The following DDX50 variants were observed in gnomAD, a reference collection of about 807,000 sequenced individuals.
DDX50 encodes the protein DExD-box helicase 50.
Under a neutral mutation model 94.8 loss-of-function variants are expected in DDX50, and 56 were observed. The observed-to-expected ratio is 0.59, with a 90% confidence interval of 0.48 to 0.74. The LOEUF (loss-of-function observed/expected upper bound fraction) is 0.74. Ranked by LOEUF, DDX50 falls within the 30% of genes least tolerant of loss-of-function variation. The pLI is 0.00. For synonymous variants in DDX50, 264 were observed against 295.4 expected (o/e 0.89, Z 1.09); for missense variants, 713 against 881.2 (o/e 0.81, Z 2.42).
chr10:68,926,774 TACACACACACACACACAC>T (rs67773821), intron 8 of DDX50, among the ~76,000 whole-genome samples: 18 of 140,330 alleles, frequency 1.3e-4, no homozygotes, highest in Non-Finnish European at 2.8e-4. Context: ...CACACAGAGA[TACACACACACACACACAC>T]ACACACACAC....
chr10:68,934,444 A>G lies in DDX50; in HGVS notation c.1401+84A>G, dbSNP rs1842354442. 1.3e-6 allele frequency: 2 copies of G among 1,559,092 alleles called. No homozygotes were observed. The highest frequency in any genetic ancestry group is 1.7e-6 in the Non-Finnish European group (2 of 1,150,584). The stretch of plus-strand genomic sequence containing the variant: ...TTTACAACATATTGCTTGGGATGTG[A>G]AAAATATGTCATCTCTTCTTGCTCT... On this transcript the variant is annotated intron_variant, in intron 9 of 14. Coordinates refer to ENST00000373585, the MANE Select transcript of DDX50 (RefSeq NM_024045.2). This position sits in a 1 kb window ranked among gnomAD's most constrained non-coding sequence, Gnocchi z 4.0.
At chr10:68,925,095 GTTT>G (rs1239190321) in intron 8 of DDX50, among the ~76,000 whole-genome samples, 1 of 28,560 alleles carries the variant, frequency 3.5e-5, no homozygotes, top group Non-Finnish European at 6.9e-5. Context: ...CCTGCTCATG[GTTT>G]TTTTTTTTTT....
chr10:68,917,781 T>C (rs1841838561), intron 7 of DDX50, among the ~76,000 whole-genome samples: 1 of 152,096 alleles, frequency 6.6e-6, no homozygotes, highest in Non-Finnish European at 1.5e-5. Context: ...TTTTGTGTTT[T>C]TAGTAGAGAT....
chr10:68,936,272 G>C (rs1475311694), intron 11 of DDX50, among the ~76,000 whole-genome samples, 193 bp downstream of exon 11: 1 of 151,044 alleles, frequency 6.6e-6, no homozygotes, highest in Non-Finnish European at 1.5e-5. Context: ...CAGCTCATGA[G>C]GTCAGGAGAT....
At chr10:68,932,241 G>T (rs546946175) in intron 8 of DDX50, among the ~76,000 whole-genome samples, 1 of 152,302 alleles carries the variant, frequency 6.6e-6, no homozygotes, top group East Asian at 1.9e-4. Context: ...CTGAAATACT[G>T]TTGGGGTTAA....
chr10:68,919,666 A>G (rs1276298013), intron 7 of DDX50, among the ~76,000 whole-genome samples, 166 bp from the exon 8 acceptor site: 2 of 152,116 alleles, frequency 1.3e-5, no homozygotes, highest in African/African-American at 2.4e-5. Flanking sequence ...TCGTCAGTTT[A>G]TTGATGACCA....
intron 1 of DDX50, 136 bp downstream of exon 1, chr10:68,901,607 C>T (rs1006928551): frequency 3.2e-6 from 3 of 936,608 alleles, no homozygotes; most frequent in Non-Finnish European, 4.7e-6. Context: ...GCCCTCGGCC[C>T]TCTGGGGTCG....
At chr10:68,907,434 G>A (rs1841492569) in intron 2 of DDX50, among the ~76,000 whole-genome samples, 1 of 150,450 alleles carries the variant, frequency 6.6e-6, no homozygotes. Context: ...TCCTGAGTCA[G>A]CCTCTCAAGT....
At chr10:68,910,987 T>G (rs1841609419) in intron 3 of DDX50, 81 bp from the exon 4 acceptor site, 1 of 1,131,592 alleles carries the variant, frequency 8.8e-7, no homozygotes, top group African/African-American at 1.6e-5. Flanking sequence ...ATAGAAGAAT[T>G]ATGATTGTCA....
intron 13 of DDX50, among the ~76,000 whole-genome samples, chr10:68,942,611 C>T (rs1842578567): frequency 1.3e-5 from 2 of 148,312 alleles, no homozygotes; most frequent in Non-Finnish European, 1.5e-5. Flanking sequence ...ACAAACATTG[C>T]AGCTTTTTTC....
At chr10:68,924,869 C>T (rs1842039613) in intron 8 of DDX50, among the ~76,000 whole-genome samples, 1 of 152,056 alleles carries the variant, frequency 6.6e-6, no homozygotes, top group African/African-American at 2.4e-5. Context: ...CAGCTTGCTC[C>T]AATCCCTGCA....
intron 1 of DDX50, among the ~76,000 whole-genome samples, chr10:68,903,664 G>A (rs1320458508): frequency 6.6e-6 from 1 of 152,090 alleles, no homozygotes. Flanking sequence ...AGCTGGGCAT[G>A]GTGGCACATG....
intron 8 of DDX50, among the ~76,000 whole-genome samples, chr10:68,921,738 A>G (rs1477054146): frequency 6.6e-6 from 1 of 152,184 alleles, no homozygotes; most frequent in East Asian, 1.9e-4. Flanking sequence ...TTATACCTCA[A>G]AATTATTTTG....
intron 8 of DDX50, among the ~76,000 whole-genome samples, chr10:68,931,943 G>A (rs958278730): frequency 1.3e-5 from 2 of 152,054 alleles, no homozygotes; most frequent in Non-Finnish European, 2.9e-5. Context: ...GAACTCCCTA[G>A]CCTTCTGCTC....
Position 68,910,365 on chromosome 10 carries a change from C to T in DDX50, c.443C>T (p.Thr148Ile). Residue 148 changes from threonine (T) to isoleucine (I), a missense_variant, in exon 3 of 15, where the codon ACT (threonine) becomes ATT (isoleucine). Thr to Ile is a moderately conservative substitution (Grantham distance 89). Coordinates refer to ENST00000373585, the MANE Select transcript of DDX50 (RefSeq NM_024045.2). Reference sequence around the variant, plus strand: ...TCCAATTTTCCTATTTCTGAAGAGACTATAAAGCTTCTGAAAGGTATGCAG... The same window carrying T: ...TCCAATTTTCCTATTTCTGAAGAGATTATAAAGCTTCTGAAAGGTATGCAG... ...AFSNFPISEE[T>I]IKLLKGRGVT... The T allele has an allele frequency of 1.9e-6, 3 of 1,605,432 alleles. No homozygotes were observed. The highest frequency in any genetic ancestry group is 2.5e-6 in the Non-Finnish European group (3 of 1,177,614).
Position 68,936,024 on chromosome 10 carries a change from G to A in DDX50, c.1540G>A (p.Val514Ile), listed in dbSNP as rs780926639. The change falls in exon 11 of 15, where the codon GTA (valine) becomes ATA (isoleucine). Residue 514 changes from valine to isoleucine, a missense_variant. Physicochemically the swap from Val to Ile is conservative, Grantham distance 29 (BLOSUM62 3). Around this residue, in one of 2 missense-constraint regions of DDX50, gnomAD observed 428 missense variants for 602.3 expected, o/e 0.71. Transcript: ENST00000373585. ...TTTTCAGGGAATTACTTTTAAACGT[G>A]TAGGTGTTCCTTCTACAATGGATTT... ...EQKAGITFKR[V>I]GVPSTMDLVK... 3 of 1,609,134 alleles carry A rather than the reference G, an allele frequency of 1.9e-6. No homozygotes were observed. The highest frequency in any genetic ancestry group is 2.2e-5 in the East Asian group (1 of 44,652).
At position 68,901,381 on chromosome 10, in the gene DDX50, A is replaced by T. The variant is rs768245849; in HGVS notation, c.-4A>T. ...TGCCCGGAGGGAGGCGGCGGTGGCC[A>T]GTAATGCCTGGGAAACTCCTCTGGG... On this transcript the variant is annotated 5_prime_UTR_variant, in exon 1 of 15. Transcript: ENST00000373585. 5.2e-6 allele frequency: 8 copies of T among 1,540,950 alleles called. No individual in the cohort carries two copies. The South Asian group carries it at 7.3e-5, about 14-fold the overall frequency.
In DDX50 at chr10:68,910,311, T is replaced by G; in HGVS notation, c.389T>G (p.Leu130Ter). The change falls in exon 3 of 15, where the codon TTA (leucine) becomes TGA (stop). Residue 130 changes from leucine to a stop codon, truncating the protein, a stop_gained. Transcript: ENST00000373585. LOFTEE classifies it high-confidence loss of function. ...CCATTGATTTCATTTTTACAGACCTTAACACGTGAACAGAAAGAAGGAGCC... is the reference window on the plus strand; with the variant it reads ...CCATTGATTTCATTTTTACAGACCTGAACACGTGAACAGAAAGAAGGAGCC... The part of the protein sequence containing the change: ...KSSDNKLEET[L>*]TREQKEGAFS... 1 of 1,604,926 alleles carries G rather than the reference T, an allele frequency of 6.2e-7. No individual in the cohort carries two copies.
Position 68,934,694 on chromosome 10 carries a change from C to A in DDX50, c.1402-105C>A. On this transcript the variant is annotated intron_variant, in intron 9 of 14. Transcript: ENST00000373585. This position sits in a 1 kb window ranked among gnomAD's most constrained non-coding sequence, Gnocchi z 4.0. ...AAATTGTTTGGAATGTTGAAAAGGG[C>A]AACAGGATTGAAATAAATATATTAT... is the stretch of plus-strand genomic sequence containing the variant. 7.7e-7 allele frequency: 1 copy of A among 1,300,332 alleles called. No individual in the cohort carries two copies. Among genetic ancestry groups the A allele is most frequent in the Admixed American group, 3.0e-5 (1 of 33,428 alleles). 80.5% of individuals were successfully genotyped at this position (1,300,332 alleles called of 1,614,324 possible). A position where few individuals can be genotyped will look rare whatever the true frequency, so the allele number is the denominator to read the frequency against.
Sources: allele counts gnomAD v4.1 joint callset (sites outside exome capture counted in the v4.1 genomes callset), GRCh38; gene constraint gnomAD v4.1.1; regional missense constraint gnomAD v4.1.1; non-coding constraint Gnocchi (gnomAD v3.1); transcripts MANE v1.5; gene names NCBI Gene and HGNC (gene_info 2026-07-23, HGNC 2026-07-21).